Variants in IL19 observed in about 807,000 individuals in gnomAD.
IL19 encodes interleukin-19.
A neutral mutation model predicts 19.5 loss-of-function variants in IL19; 15 were observed. The ratio of observed to expected loss-of-function variants is 0.77; its 90% CI spans 0.52 to 1.19. The LOEUF is 1.19. Among genes scored for constraint, IL19 ranks in the 50% most tolerant of loss-of-function variants. IL19 has a pLI of 0.00. For missense variants in IL19, 199 were observed against 213.1 expected, an observed-to-expected ratio of 0.93 and a Z score of 0.41; for synonymous variants, 78 against 78.3, an observed-to-expected ratio of 1.00 and a Z score of 0.02.
intron 1 of IL19, among the ~76,000 whole-genome samples, chr1:206,785,326 G>C (rs1675243709): frequency 6.6e-6 from 1 of 152,210 alleles, no homozygotes; most frequent in Non-Finnish European, 1.5e-5. Context: ...CTATGGACTT[G>C]AGTGGCAACC....
chr1:206,807,114 C>T (rs902731997), intron 2 of IL19, among the ~76,000 whole-genome samples: 3 of 152,072 alleles, frequency 2.0e-5, no homozygotes, highest in African/African-American at 7.2e-5. Context: ...AGGGAAAAGC[C>T]CCTTACAAAA....
intron 2 of IL19, among the ~76,000 whole-genome samples, chr1:206,801,707 T>A (rs774125511): frequency 3.1e-4 from 47 of 152,342 alleles, no homozygotes; most frequent in Non-Finnish European, 5.7e-4. Flanking sequence ...CCCACTTCCT[T>A]GGAGGACAGT....
At chr1:206,793,900 G>A (rs1281332551) in intron 1 of IL19, among the ~76,000 whole-genome samples, 3 of 152,194 alleles carry the variant, frequency 2.0e-5, no homozygotes, top group Admixed American at 1.3e-4. Context: ...GAGGGGCTGA[G>A]TAGCAGGGGA....
At chr1:206,788,526 C>CCT (rs1553438701) in intron 1 of IL19, among the ~76,000 whole-genome samples, 1 of 149,686 alleles carries the variant, frequency 6.7e-6, no homozygotes, top group African/African-American at 2.5e-5. Flanking sequence ...TAATAATTAA[C>CCT]TTTTTTTTTT....
intron 2 of IL19, among the ~76,000 whole-genome samples, chr1:206,801,419 T>C (rs1193971159): frequency 6.6e-6 from 1 of 152,234 alleles, no homozygotes; most frequent in Admixed American, 6.5e-5. Flanking sequence ...CTCAAGGCCA[T>C]TGGCACCTGG....
chr1:206,789,441 G>A (rs1031269191), intron 1 of IL19, among the ~76,000 whole-genome samples: 7 of 152,090 alleles, frequency 4.6e-5, no homozygotes, highest in Non-Finnish European at 8.8e-5. Flanking sequence ...TGGGTGTTTG[G>A]TTTTTGATTC....
intron 1 of IL19, among the ~76,000 whole-genome samples, chr1:206,788,110 G>A (rs764809834): frequency 2.0e-5 from 3 of 152,160 alleles, no homozygotes; most frequent in Non-Finnish European, 4.4e-5. Flanking sequence ...TCACGATCCC[G>A]GAGGTGGCTT....
chr1:206,807,006 G>T (rs2102464751), intron 2 of IL19, among the ~76,000 whole-genome samples: 1 of 152,298 alleles, frequency 6.6e-6, no homozygotes, highest in African/African-American at 2.4e-5. Flanking sequence ...TCACAGTCCT[G>T]CAGGGCTGGG....
chr1:206,771,957 G>T (rs917489426), intron 1 of IL19, among the ~76,000 whole-genome samples: 1 of 151,972 alleles, frequency 6.6e-6, no homozygotes, highest in African/African-American at 2.4e-5. Context: ...TCTTCACCTC[G>T]AATCAGACAT....
At chr1:206,832,135 G>C (rs937707422) in intron 2 of IL19, among the ~76,000 whole-genome samples, 2 of 152,220 alleles carry the variant, frequency 1.3e-5, no homozygotes, top group African/African-American at 4.8e-5. Context: ...GGAGATTCCC[G>C]AGGTCAAGAG....
intron 2 of IL19, among the ~76,000 whole-genome samples, chr1:206,807,367 C>T (rs1408359150): frequency 6.6e-6 from 1 of 152,140 alleles, no homozygotes; most frequent in African/African-American, 2.4e-5. Context: ...TGCAGTTATT[C>T]CCAGCCCAGC....
intron 2 of IL19, among the ~76,000 whole-genome samples, chr1:206,826,587 C>G (rs927597378): frequency 6.6e-6 from 1 of 152,218 alleles, no homozygotes; most frequent in African/African-American, 2.4e-5. Context: ...CTCCAGTCCA[C>G]CCTCTCCTCC....
rs533247078 is a variant in IL19 at position 206,780,680 on chromosome 1, GAGA to G, written c.-149+9609_-149+9611del. The stretch of plus-strand genomic sequence containing the variant: ...TTATAAATGGGCAAACAGAGGCCTA[GAGA>G]AGAAGACTTTCCCAGGTCCTAGAGG... On this transcript the variant is annotated intron_variant, in intron 1 of 6. Coordinates refer to ENST00000659997, the MANE Select transcript of IL19 (RefSeq NM_153758.5). Among the ~76,000 whole-genome samples the G allele has an allele frequency of 9.2e-5, 14 of 152,328 alleles. No individual in the cohort carries two copies. In the East Asian group the frequency reaches 2.7e-3, roughly 29 times the overall value.
intron 1 of IL19, among the ~76,000 whole-genome samples, chr1:206,789,609 C>A (rs933202205): frequency 1.3e-5 from 2 of 151,946 alleles, no homozygotes; most frequent in South Asian, 2.1e-4. Flanking sequence ...CTTTTAAGCT[C>A]GGGATGCATG....
At chr1:206,819,593 A>AG (rs1676245358) in intron 2 of IL19, among the ~76,000 whole-genome samples, 1 of 151,416 alleles carries the variant, frequency 6.6e-6, no homozygotes, top group East Asian at 1.9e-4. Context: ...AAAAAAAAAA[A>AG]GGAAAACTCA....
chr1:206,834,316 C>G (rs1676711685), intron 2 of IL19: 1 of 985,578 alleles, frequency 1.0e-6, no homozygotes. Flanking sequence ...TCTTATCCAC[C>G]TGAATAAAAA....
chr1:206,838,334 T>TGACA (rs1158463860), intron 4 of IL19, among the ~76,000 whole-genome samples: 1 of 152,264 alleles, frequency 6.6e-6, no homozygotes, highest in Non-Finnish European at 1.5e-5. Flanking sequence ...GGATTTTGTA[T>TGACA]GACAGAGTGT....
intron 1 of IL19, among the ~76,000 whole-genome samples, chr1:206,773,060 A>G (rs1674899528): frequency 6.6e-6 from 1 of 152,180 alleles, no homozygotes; most frequent in Admixed American, 6.5e-5. Flanking sequence ...GGCTTCCTAC[A>G]GTACAGGCGG....
At chr1:206,823,593 T>C (rs1185213217) in intron 2 of IL19, among the ~76,000 whole-genome samples, 2 of 151,996 alleles carry the variant, frequency 1.3e-5, no homozygotes, top group Non-Finnish European at 2.9e-5. Context: ...TATTCCTGGA[T>C]AGAATAACTG....
Sources: allele counts gnomAD v4.1 joint callset (sites outside exome capture counted in the v4.1 genomes callset), GRCh38; gene constraint gnomAD v4.1.1; transcripts MANE v1.5; gene names NCBI Gene and HGNC (gene_info 2026-07-23, HGNC 2026-07-21).